MTBP: variants seen among roughly 807,000 people sequenced by gnomAD.
MTBP encodes the protein mdm2-binding protein.
MTBP carries 101 observed loss-of-function variants against 117.0 expected under a neutral mutation model. That is an observed-to-expected ratio of 0.86 (90% confidence interval 0.73 to 1.02). The LOEUF is 1.02. Among genes scored for constraint, MTBP ranks in the 50% least tolerant of loss-of-function variants. The probability of loss-of-function intolerance (pLI) is 0.00; values close to 1 mark genes in which losing one functional copy is unlikely to be tolerated. For synonymous variants in MTBP, 350 were observed against 351.5 expected, an observed-to-expected ratio of 1.00 and a Z score of 0.05; for missense variants, 970 against 1,030.9, an observed-to-expected ratio of 0.94 and a Z score of 0.81.
At chr8:120,461,353 T>C (rs2130529858) in intron 9 of MTBP, 98 bp downstream of exon 9, 1 of 788,372 alleles carries the variant, frequency 1.3e-6, no homozygotes, top group Non-Finnish European at 2.0e-6. Context: ...GGTATATCTT[T>C]TTCATTATAT....
rs756586071 is a variant in MTBP, at chr8:120,502,587, G to A, written c.1705G>A (p.Glu569Lys). 4 of 1,599,328 alleles carry A rather than the reference G, an allele frequency of 2.5e-6. No individual in the cohort carries two copies. Among genetic ancestry groups the A allele is most frequent in the Non-Finnish European group, 3.4e-6 (4 of 1,172,896 alleles). Reference protein sequence around the residue: ...RHVLQNLETFEKTKQKMRTGS... With the variant: ...RHVLQNLETFKKTKQKMRTGS... ...TGTTCTTCAAAATTTGGAAACTTTT[G>A]AAAAAACTAAACAAAAAATGAGGTA... The change falls in exon 15 of 22, where the codon GAA (glutamate) becomes AAA (lysine). Residue 569 changes from glutamate to lysine, a missense_variant. Glu to Lys is a moderately conservative substitution (Grantham distance 56). Coordinates refer to ENST00000305949, the MANE Select transcript of MTBP (RefSeq NM_022045.5).
chr8:120,448,217 C>T (rs1003889164), intron 2 of MTBP, among the ~76,000 whole-genome samples: 1 of 152,160 alleles, frequency 6.6e-6, no homozygotes, highest in African/African-American at 2.4e-5. Context: ...CAGATGTGAG[C>T]CACTGTGCCC....
Position 120,517,967 on chromosome 8 carries a change from C to A in MTBP, c.2363C>A (p.Thr788Asn), listed in dbSNP as rs770861197. The A allele has an allele frequency of 6.2e-7, 1 of 1,612,790 alleles. No individual in the cohort carries two copies. Among genetic ancestry groups the A allele is most frequent in the Non-Finnish European group, 8.5e-7 (1 of 1,179,104 alleles). ...CAAACAGAACGGTCCTTACCAGTGACTTGTCCATTGGTTCCAATTCCTAGC... is the reference window on the plus strand; with the variant it reads ...CAAACAGAACGGTCCTTACCAGTGAATTGTCCATTGGTTCCAATTCCTAGC... ...KPQTERSLPVTCPLVPIPSCE... is the reference protein window; with the variant it reads ...KPQTERSLPVNCPLVPIPSCE... Residue 788 changes from threonine to asparagine, a missense_variant, in exon 19 of 22, where the codon ACT becomes AAT. Transcript: ENST00000305949.
intron 5 of MTBP, among the ~76,000 whole-genome samples, chr8:120,454,654 T>C (rs1813430527): frequency 6.6e-6 from 1 of 152,000 alleles, no homozygotes; most frequent in Admixed American, 6.6e-5. Flanking sequence ...GTCAGCCAGA[T>C]CTCTATATTC....
chr8:120,484,734 A>G (rs574623430), intron 11 of MTBP, among the ~76,000 whole-genome samples: 17 of 152,316 alleles, frequency 1.1e-4, no homozygotes, highest in African/African-American at 2.9e-4. Flanking sequence ...TTGTGCAACT[A>G]TCACCACAGT....
At chr8:120,506,482 T>A (rs1171845430) in intron 15 of MTBP, among the ~76,000 whole-genome samples, 1 of 152,212 alleles carries the variant, frequency 6.6e-6, no homozygotes, top group African/African-American at 2.4e-5. Context: ...GCAAGTTTTA[T>A]TGTGACCTAA....
intron 17 of MTBP, among the ~76,000 whole-genome samples, chr8:120,515,539 C>A (rs550247173): frequency 7.9e-5 from 12 of 152,054 alleles, no homozygotes; most frequent in Admixed American, 3.9e-4. Context: ...ATAAACTTGC[C>A]CTTTCTAACA....
intron 11 of MTBP, among the ~76,000 whole-genome samples, chr8:120,484,788 G>T (rs1403331043): frequency 6.6e-6 from 1 of 152,088 alleles, no homozygotes; most frequent in African/African-American, 2.4e-5. Context: ...AACCCCATAC[G>T]TGTTAGCAAT....
rs760014610 is a variant in MTBP, at chr8:120,453,849, T to C, written c.428T>C (p.Leu143Pro). 1 of 1,558,166 alleles carries C rather than the reference T, an allele frequency of 6.4e-7. No homozygotes were observed. The highest frequency in any genetic ancestry group is 1.2e-5 in the South Asian group (1 of 83,058). The change falls in exon 5 of 22, where the codon CTC becomes CCC. Residue 143 changes from leucine (L) to proline (P), a missense_variant and splice_region_variant. Transcript: ENST00000305949. ...NSRESLSLAD[L>P]YEEAAENLHQ... Reference sequence around the variant, plus strand: ...CCTAACTTACCCTTTTATTTTAGTCTCTATGAAGAAGCTGCAGAAAATTTG... The same window carrying C: ...CCTAACTTACCCTTTTATTTTAGTCCCTATGAAGAAGCTGCAGAAAATTTG...
At position 120,445,587 on chromosome 8, in the gene MTBP, G is replaced by C. The variant is rs139020985; in HGVS notation, c.117G>C (p.Pro39=). 148 of 1,604,068 alleles carry C rather than the reference G, an allele frequency of 9.2e-5. No individual in the cohort carries two copies. The highest frequency in any genetic ancestry group is 1.1e-4 in the Non-Finnish European group (131 of 1,175,914). Residue 39 remains proline (P), a splice_region_variant and synonymous_variant, in exon 1 of 22, where the codon CCG becomes CCC. Transcript: ENST00000305949. ...VSSGEGTENQ[P]DFTAANVYHL... Reference sequence around the variant, plus strand: ...CGGGTGAGGGTACTGAGAATCAGCCGGGTAAGCGCTGGGATGAGAAAGAGC... The same window carrying C: ...CGGGTGAGGGTACTGAGAATCAGCCCGGTAAGCGCTGGGATGAGAAAGAGC...
intron 1 of MTBP, among the ~76,000 whole-genome samples, chr8:120,446,039 A>G (rs1338292149): frequency 6.6e-6 from 1 of 152,034 alleles, no homozygotes; most frequent in Non-Finnish European, 1.5e-5. Flanking sequence ...AATGATTTTA[A>G]TTGTTTGCGA....
intron 15 of MTBP, among the ~76,000 whole-genome samples, chr8:120,503,034 G>C (rs1469997354): frequency 6.6e-6 from 1 of 152,142 alleles, no homozygotes; most frequent in Non-Finnish European, 1.5e-5. Context: ...TATGAGGCAG[G>C]ATTTTTTGTT....
At chr8:120,503,465 A>G (rs1208087341) in intron 15 of MTBP, among the ~76,000 whole-genome samples, 1 of 152,190 alleles carries the variant, frequency 6.6e-6, no homozygotes, top group Non-Finnish European at 1.5e-5. Context: ...GGGAAGTGGT[A>G]GTACTCACTT....
At chr8:120,494,310 A>G (rs368545024) in intron 13 of MTBP, among the ~76,000 whole-genome samples, 88 of 152,356 alleles carry the variant, frequency 5.8e-4, no homozygotes, top group African/African-American at 2.0e-3. Context: ...TGAATTCTCT[A>G]TGAACTTCTA....
chr8:120,450,506 T>G (rs150057626), intron 2 of MTBP, among the ~76,000 whole-genome samples: 182 of 152,300 alleles, frequency 1.2e-3, no homozygotes, highest in Non-Finnish European at 2.2e-3. Context: ...TGACCCTTAA[T>G]TTTATATCCT....
At chr8:120,465,931 T>A (rs187802604) in intron 10 of MTBP, among the ~76,000 whole-genome samples, 1 of 152,108 alleles carries the variant, frequency 6.6e-6, no homozygotes, top group Non-Finnish European at 1.5e-5. Context: ...GCAACACTAA[T>A]CCTAGAAGCA....
At chr8:120,454,468 A>T in intron 5 of MTBP, among the ~76,000 whole-genome samples, 1 of 151,966 alleles carries the variant, frequency 6.6e-6, no homozygotes, top group East Asian at 1.9e-4. Context: ...CTTTGTGTTA[A>T]TCAAGTAGCT....
intron 11 of MTBP, 168 bp downstream of exon 11, chr8:120,471,105 A>G: frequency 3.7e-6 from 2 of 542,860 alleles, no homozygotes; most frequent in South Asian, 5.2e-5. Flanking sequence ...ACCTACTGTA[A>G]CATAAAGTAT....
At chr8:120,458,855 A>C (rs1477793876) in intron 7 of MTBP, among the ~76,000 whole-genome samples, 1 of 151,924 alleles carries the variant, frequency 6.6e-6, no homozygotes, top group African/African-American at 2.4e-5. Flanking sequence ...GCCAAAAAAA[A>C]AAAAAAAAAG....
Sources: gnomAD v4.1 joint callset for allele counts (sites outside exome capture counted in the v4.1 genomes callset) on GRCh38, gnomAD v4.1.1 for gene constraint, MANE v1.5 for transcripts, NCBI Gene and HGNC (gene_info 2026-07-23, HGNC 2026-07-21) for gene names.